LHFPL2: variants seen among roughly 807,000 people sequenced by gnomAD.
The protein encoded by LHFPL2 is LHFPL tetraspan subfamily member 2, also known as LHFPL tetraspan subfamily member 2 protein.
A neutral mutation model predicts 17.5 loss-of-function variants in LHFPL2; 7 were observed. That is an observed-to-expected ratio of 0.40 (90% CI 0.23 to 0.75). The LOEUF (loss-of-function observed/expected upper bound fraction) is 0.75, where lower values mean the gene tolerates loss of function less well. Among genes scored for constraint, LHFPL2 ranks in the 30% least tolerant of loss-of-function variants. The probability of loss-of-function intolerance (pLI) is 0.37; values close to 1 mark genes in which losing one functional copy is unlikely to be tolerated. For synonymous variants in LHFPL2, 134 were observed against 116.2 expected, an observed-to-expected ratio of 1.15 and a Z score of -0.99; for missense variants, 241 against 294.8, an observed-to-expected ratio of 0.82 and a Z score of 1.34.
chr5:78,550,288 T>C (rs547978348), intron 3 of LHFPL2, among the ~76,000 whole-genome samples: 40 of 152,290 alleles, frequency 2.6e-4, no homozygotes, highest in African/African-American at 9.6e-4. Context: ...ACGGAAGACA[T>C]TGAACTAATA....
intron 4 of LHFPL2, among the ~76,000 whole-genome samples, chr5:78,494,189 G>A (rs192026954): frequency 4.8e-4 from 73 of 152,252 alleles, no homozygotes; most frequent in African/African-American, 1.7e-3. Flanking sequence ...AAGGGACTAG[G>A]GCTGTGGGCA....
chr5:78,587,222 G>T (rs1229963287), intron 2 of LHFPL2, among the ~76,000 whole-genome samples: 3 of 143,678 alleles, frequency 2.1e-5, no homozygotes, highest in Non-Finnish European at 4.7e-5. Flanking sequence ...GCCAATTAAA[G>T]TTGGTCCCAA....
chr5:78,546,637 A>T (rs769346710), intron 3 of LHFPL2, among the ~76,000 whole-genome samples: 15 of 152,202 alleles, frequency 9.9e-5, no homozygotes, highest in Non-Finnish European at 1.5e-4. Context: ...AGAACACCAC[A>T]ATCTGGCAGA....
chr5:78,502,785 A>C (rs1288870327), intron 4 of LHFPL2, among the ~76,000 whole-genome samples: 1 of 152,212 alleles, frequency 6.6e-6, no homozygotes, highest in Non-Finnish European at 1.5e-5. Flanking sequence ...AATGTTAAAT[A>C]ATTCCTACTA....
chr5:78,527,150 C>T (rs1755642635), intron 3 of LHFPL2, among the ~76,000 whole-genome samples: 2 of 152,200 alleles, frequency 1.3e-5, no homozygotes, highest in South Asian at 4.1e-4. Context: ...TGTCAAGTCA[C>T]CATTTCCATT....
Position 78,509,859 on chromosome 5 carries a change from C to CG in LHFPL2, c.354dup (p.Val119ArgfsTer93). 6.2e-7 allele frequency: 1 copy of CG among 1,613,998 alleles called. No homozygotes were observed. Among genetic ancestry groups the CG allele is most frequent in the Non-Finnish European group, 8.5e-7 (1 of 1,180,040 alleles). On this transcript the variant is annotated frameshift_variant, in exon 4 of 5. Transcript: ENST00000380345. LOFTEE classifies it high-confidence loss of function. ...ATGCTCTGTACACACATGGTGAAGA[C>CG]GGACACCAAGGCCACCATGCAGAGA...
chr5:78,575,330 C>CA (rs1191041432), intron 2 of LHFPL2, among the ~76,000 whole-genome samples: 15 of 152,170 alleles, frequency 9.9e-5, no homozygotes, highest in African/African-American at 3.6e-4. Flanking sequence ...GCGTGGATCA[C>CA]AAGGTCAGGA....
intron 2 of LHFPL2, among the ~76,000 whole-genome samples, chr5:78,594,899 A>G (rs745567280): frequency 2.6e-5 from 4 of 152,230 alleles, no homozygotes; most frequent in Non-Finnish European, 5.9e-5. Flanking sequence ...TCACATCTCA[A>G]CTTCAGAGAG....
chr5:78,555,844 C>T (rs1756557704), intron 3 of LHFPL2, among the ~76,000 whole-genome samples: 2 of 152,272 alleles, frequency 1.3e-5, no homozygotes, highest in South Asian at 2.1e-4. Flanking sequence ...AAGGGGCAGG[C>T]AAAAGAAGTC....
chr5:78,547,360 T>C (rs1319535836), intron 3 of LHFPL2, among the ~76,000 whole-genome samples: 2 of 152,310 alleles, frequency 1.3e-5, no homozygotes, highest in Middle Eastern at 6.8e-3. Context: ...TGACTACACA[T>C]TGAGTTACAT....
intron 3 of LHFPL2, among the ~76,000 whole-genome samples, chr5:78,555,587 T>C (rs1756550665): frequency 6.6e-6 from 1 of 152,154 alleles, no homozygotes; most frequent in Admixed American, 6.5e-5. Context: ...CTACTGGAAG[T>C]GGGGACCCAG....
At chr5:78,571,313 T>C (rs191635624) in intron 2 of LHFPL2, among the ~76,000 whole-genome samples, 278 of 152,276 alleles carry the variant, frequency 1.8e-3, no homozygotes, top group Non-Finnish European at 3.2e-3. Flanking sequence ...GTAACTATTT[T>C]GCCTCTATAT....
intron 3 of LHFPL2, among the ~76,000 whole-genome samples, chr5:78,545,080 C>A (rs1311924600): frequency 1.3e-5 from 2 of 152,186 alleles, no homozygotes. Flanking sequence ...CACTTTGAGA[C>A]AGATGTTTTG....
chr5:78,559,827 C>G (rs992176041), intron 3 of LHFPL2, among the ~76,000 whole-genome samples: 2 of 152,162 alleles, frequency 1.3e-5, no homozygotes, highest in African/African-American at 4.8e-5. Flanking sequence ...AGTATCATAA[C>G]AATTAAACTG....
At position 78,547,869 on chromosome 5, in the gene LHFPL2, C is replaced by T. The variant is rs146010423; in HGVS notation, c.-186+16944G>A. Among the ~76,000 whole-genome samples the T allele has an allele frequency of 2.2e-3, 340 of 152,316 alleles. 2 individuals carry two copies. Among genetic ancestry groups the T allele is most frequent in the Non-Finnish European group, 3.6e-3 (243 of 68,018 alleles). On this transcript the variant is annotated intron_variant, in intron 3 of 4. Transcript: ENST00000380345. ...TTCAGGGTGGTCTGAGGGAGACTGGCCAGGAGGGTTGGGGCTGGAGCCAAC... is the reference window on the plus strand; with the variant it reads ...TTCAGGGTGGTCTGAGGGAGACTGGTCAGGAGGGTTGGGGCTGGAGCCAAC...
intron 1 of LHFPL2, chr5:78,644,278 C>T (rs558065862): frequency 3.5e-6 from 3 of 866,194 alleles, no homozygotes; most frequent in Admixed American, 4.1e-5. Context: ...TATTCATCAT[C>T]ATCTTCATCT....
At position 78,486,985 on chromosome 5, in the gene LHFPL2, A is replaced by C. The variant is rs1401262318; in HGVS notation, c.*1912T>G. On this transcript the variant is annotated 3_prime_UTR_variant, in exon 5 of 5. Coordinates refer to ENST00000380345, the MANE Select transcript of LHFPL2 (RefSeq NM_005779.3). ...TTATAAATGTACACACAGAGACAGA[A>C]GCTTTGTCCAGTGGCTCCTCCAGCC... is the stretch of plus-strand genomic sequence containing the variant. The C allele has an allele frequency of 6.6e-6, 1 of 152,210 alleles. No individual in the cohort carries two copies. Among genetic ancestry groups the C allele is most frequent in the East Asian group, 1.9e-4 (1 of 5,198 alleles). 9.4% of individuals were successfully genotyped at this position (152,210 alleles called of 1,614,324 possible).
chr5:78,490,269 A>G, intron 4 of LHFPL2, among the ~76,000 whole-genome samples: 1 of 152,158 alleles, frequency 6.6e-6, no homozygotes, highest in East Asian at 1.9e-4. Flanking sequence ...AGCTAGGACT[A>G]GGGTGAGCCA....
At chr5:78,602,046 C>A (rs1744038779) in intron 2 of LHFPL2, among the ~76,000 whole-genome samples, 1 of 152,142 alleles carries the variant, frequency 6.6e-6, no homozygotes, top group African/African-American at 2.4e-5. Flanking sequence ...CTACTCCTCT[C>A]AAAAAAACTC....
Sources: gnomAD v4.1 joint callset for allele counts (sites outside exome capture counted in the v4.1 genomes callset) on GRCh38, gnomAD v4.1.1 for gene constraint, MANE v1.5 for transcripts, NCBI Gene and HGNC (gene_info 2026-07-23, HGNC 2026-07-21) for gene names.